Variants in ADA2 observed in about 807,000 individuals in gnomAD.
The protein encoded by ADA2 is adenosine deaminase CECR1.
In ADA2, 29 loss-of-function variants were observed where a neutral mutation model predicts 44.2. The ratio of observed to expected loss-of-function variants is 0.66; its 90% CI spans 0.49 to 0.89. ADA2 has a LOEUF of 0.89. Among genes scored for constraint, ADA2 ranks in the 40% least tolerant of loss-of-function variants. ADA2 has a pLI of 0.00. For missense variants in ADA2, 637 were observed against 644.8 expected (o/e 0.99, Z 0.13); for synonymous variants, 215 against 234.9 (o/e 0.92, Z 0.77).
At chr22:17,204,156 G>A (rs1405832678) in intron 3 of ADA2, among the ~76,000 whole-genome samples, 1 of 152,096 alleles carries the variant, frequency 6.6e-6, no homozygotes, top group Non-Finnish European at 1.5e-5. Flanking sequence ...CAGGAAACTA[G>A]ACCAAGCTCT....
chr22:17,192,563 C>T (rs535968699), intron 4 of ADA2, among the ~76,000 whole-genome samples: 1 of 152,220 alleles, frequency 6.6e-6, no homozygotes, highest in East Asian at 1.9e-4. Context: ...AAAGGTGGCT[C>T]ACACCTGTAA....
intron 7 of ADA2, among the ~76,000 whole-genome samples, chr22:17,188,067 G>T (rs530618639): frequency 2.0e-5 from 3 of 147,072 alleles, no homozygotes; most frequent in Non-Finnish European, 4.5e-5. Context: ...GACAGAGGGA[G>T]ACTCCGTAAA....
intron 1 of ADA2, among the ~76,000 whole-genome samples, chr22:17,218,353 T>G (rs1250667498): frequency 1.3e-5 from 2 of 152,176 alleles, no homozygotes; most frequent in African/African-American, 4.8e-5. Flanking sequence ...AAGGAACTAG[T>G]ATCAGCAATA....
intron 7 of ADA2, among the ~76,000 whole-genome samples, chr22:17,186,518 G>A (rs2062037651): frequency 1.3e-5 from 2 of 151,934 alleles, no homozygotes; most frequent in African/African-American, 4.8e-5. Flanking sequence ...GCAGCCAGAG[G>A]TTGCAGTGAG....
At chr22:17,186,942 G>A (rs1023466950) in intron 7 of ADA2, among the ~76,000 whole-genome samples, 5 of 151,936 alleles carry the variant, frequency 3.3e-5, no homozygotes, top group South Asian at 4.2e-4. Flanking sequence ...CTAGACGGGT[G>A]GATCACAAGG....
In ADA2 at chr22:17,181,435, G is replaced by C. The variant is rs748018370; in HGVS notation, c.*48C>G. 8.3e-7 allele frequency: 1 copy of C among 1,201,956 alleles called. No individual in the cohort carries two copies. Among genetic ancestry groups the C allele is most frequent in the East Asian group, 2.3e-5 (1 of 43,016 alleles). The allele number at this position is 1,201,956 out of a possible 1,614,324, so 74.5% of individuals were successfully genotyped here. On this transcript the variant is annotated 3_prime_UTR_variant, in exon 10 of 10. Transcript: ENST00000399837. ...GATTCAAGAACGAGTGAGAGGAAGT[G>C]ACAGCGTGTGCAAGAAGACAGCTTG...
At chr22:17,202,362 G>A (rs2062299809) in intron 4 of ADA2, among the ~76,000 whole-genome samples, 2 of 152,076 alleles carry the variant, frequency 1.3e-5, no homozygotes, top group Non-Finnish European at 2.9e-5. Context: ...TCTCGACCTC[G>A]TGATCCGCCT....
At chr22:17,216,234 A>G (rs1365854193) in intron 1 of ADA2, among the ~76,000 whole-genome samples, 1 of 152,000 alleles carries the variant, frequency 6.6e-6, no homozygotes, top group African/African-American at 2.4e-5. Context: ...GTGTAGTGGT[A>G]CACACCTGTA....
intron 4 of ADA2, among the ~76,000 whole-genome samples, chr22:17,197,875 C>G (rs562693390): frequency 2.0e-5 from 3 of 152,030 alleles, no homozygotes; most frequent in Non-Finnish European, 4.4e-5. Flanking sequence ...CCCGTCTCTA[C>G]TAAAAATAGA....
intron 5 of ADA2, 84 bp downstream of exon 5, chr22:17,191,599 T>G: frequency 3.4e-4 from 345 of 1,028,418 alleles, no homozygotes; most frequent in East Asian, 7.1e-4. Flanking sequence ...CCAGCCCCGC[T>G]TCTCACCCCT....
At chr22:17,199,431 T>TCTATCCTCTTCCCCACCCTCCCCTCCA in intron 4 of ADA2, 7 of 930,070 alleles carry the variant, frequency 7.5e-6, no homozygotes, top group Admixed American at 1.8e-5. Context: ...CCTCCCCTCC[T>TCTATCCTCTTCCCCACCCTCCCCTCCA]CTATCCTCTT....
In ADA2 at chr22:17,181,959, G is replaced by C. The variant is rs186147069; in HGVS notation, c.1303C>G (p.Pro435Ala). The change falls in exon 9 of 10, where the codon CCC (proline) becomes GCC (alanine). Residue 435 changes from proline to alanine, a missense_variant. Physicochemically the swap from Pro to Ala is conservative, Grantham distance 27. Coordinates refer to ENST00000399837, the MANE Select transcript of ADA2 (RefSeq NM_001282225.2). Reference sequence around the variant, plus strand: ...GGGTCATCAGAGCTGATCACCATGGGGTGCCCAGTGGCCATCAGAGTGGCT... The same window carrying C: ...GGGTCATCAGAGCTGATCACCATGGCGTGCCCAGTGGCCATCAGAGTGGCT... ...PVATLMATGH[P>A]MVISSDDPAM... 187 of 1,614,142 alleles carry C rather than the reference G, an allele frequency of 1.2e-4. No homozygotes were observed. In the Admixed American group the frequency reaches 3.0e-3, roughly 26 times the overall value.
intron 3 of ADA2, among the ~76,000 whole-genome samples, chr22:17,204,281 G>A (rs778543088): frequency 1.3e-5 from 2 of 152,150 alleles, no homozygotes; most frequent in Non-Finnish European, 2.9e-5. Flanking sequence ...ACTAAATGAG[G>A]TTGTAAGGAT....
intron 4 of ADA2, chr22:17,192,937 T>A: frequency 1.7e-6 from 1 of 582,908 alleles, no homozygotes; most frequent in African/African-American, 1.9e-5. Flanking sequence ...TGAAGCCTGA[T>A]TGTCAAAAAG....
chr22:17,214,913 C>G (rs1338692444), intron 1 of ADA2, among the ~76,000 whole-genome samples: 1 of 152,234 alleles, frequency 6.6e-6, no homozygotes, highest in Non-Finnish European at 1.5e-5. Context: ...GGGCTCCTAG[C>G]AGCCTCTTGT....
chr22:17,210,379 G>A (rs1221853705), intron 1 of ADA2, among the ~76,000 whole-genome samples: 4 of 151,130 alleles, frequency 2.6e-5, no homozygotes, highest in Non-Finnish European at 5.9e-5. Flanking sequence ...TAGTAGAGAC[G>A]GGGTTTCTCC....
At chr22:17,193,166 C>T in intron 4 of ADA2, 4 of 1,414,662 alleles carry the variant, frequency 2.8e-6, no homozygotes, top group South Asian at 1.2e-5. Flanking sequence ...GCTGGAAGTG[C>T]TGCTGATGTG....
chr22:17,206,941 A>C (rs768306710), intron 3 of ADA2, 130 bp downstream of exon 3: 1 of 683,014 alleles, frequency 1.5e-6, no homozygotes. Context: ...GGCGTGAACC[A>C]CCGCACTCAG....
chr22:17,200,273 AG>A (rs1464164695), intron 4 of ADA2, among the ~76,000 whole-genome samples: 1 of 152,214 alleles, frequency 6.6e-6, no homozygotes, highest in Non-Finnish European at 1.5e-5. Context: ...GAGCAAAGTC[AG>A]CTCATCAATT....
Sources: gnomAD v4.1 joint callset for allele counts (sites outside exome capture counted in the v4.1 genomes callset) on GRCh38, gnomAD v4.1.1 for gene constraint, MANE v1.5 for transcripts, NCBI Gene and HGNC (gene_info 2026-07-23, HGNC 2026-07-21) for gene names.